The following LARGE1 variants were observed in gnomAD, a reference collection of about 807,000 sequenced individuals.
LARGE1 encodes the protein xylosyl- and glucuronyltransferase LARGE1.
A neutral mutation model predicts 87.6 loss-of-function variants in LARGE1; 43 were observed. The ratio of observed to expected loss-of-function variants is 0.49; its 90% CI spans 0.38 to 0.63. The LOEUF (loss-of-function observed/expected upper bound fraction) is 0.63. Ranked by LOEUF, LARGE1 falls within the 30% of genes least tolerant of loss-of-function variation. LARGE1 has a pLI of 0.00. For missense variants in LARGE1, 802 were observed against 1,000.2 expected (o/e 0.80, Z 2.67); for synonymous variants, 434 against 394.6 (o/e 1.10, Z -1.18).
At chr22:33,289,803 G>T (rs900804988) in intron 12 of LARGE1, among the ~76,000 whole-genome samples, 2 of 152,032 alleles carry the variant, frequency 1.3e-5, no homozygotes, top group Non-Finnish European at 2.9e-5. Flanking sequence ...TTTGATAAAG[G>T]TTATCCTCCA....
At chr22:33,708,363 G>C (rs150387979) in intron 2 of LARGE1, among the ~76,000 whole-genome samples, 1 of 152,096 alleles carries the variant, frequency 6.6e-6, no homozygotes, top group Non-Finnish European at 1.5e-5. Context: ...TGGCCAATGC[G>C]TAGACAGAGA....
intron 6 of LARGE1, among the ~76,000 whole-genome samples, chr22:33,563,975 TA>T (rs2077944159): frequency 6.6e-6 from 1 of 152,140 alleles, no homozygotes; most frequent in Admixed American, 6.5e-5. Context: ...TCCTGTGATT[TA>T]TGAAAATGCT....
intron 6 of LARGE1, among the ~76,000 whole-genome samples, chr22:33,477,937 T>C (rs2069150067): frequency 6.6e-6 from 1 of 152,202 alleles, no homozygotes; most frequent in African/African-American, 2.4e-5. Context: ...GCATCTCTAT[T>C]TGCATCTGAG....
At chr22:33,225,560 C>T (rs543975540) in intron 11 of LARGE1, among the ~76,000 whole-genome samples, 4 of 151,982 alleles carry the variant, frequency 2.6e-5, no homozygotes, top group African/African-American at 9.7e-5. Flanking sequence ...TCTTTATTTT[C>T]TTTCTTTTTT....
downstream of LARGE1, among the ~76,000 whole-genome samples, chr22:33,271,735 A>C (rs566676861): frequency 5.3e-5 from 8 of 152,324 alleles, no homozygotes; most frequent in African/African-American, 1.9e-4. Flanking sequence ...CTCCCAGTGT[A>C]AGTTCTGGGA....
At chr22:33,128,703 A>G in the LARGE1 span, among the ~76,000 whole-genome samples, 1 of 133,698 alleles carries the variant, frequency 7.5e-6, no homozygotes, top group East Asian at 2.1e-4. Context: ...AAAAAGAAAA[A>G]GAAAAAGAAA....
intron 2 of LARGE1, among the ~76,000 whole-genome samples, chr22:33,749,658 T>C (rs138476095): frequency 0.016 from 2,406 of 152,326 alleles, 67 homozygotes; most frequent in African/African-American, 0.056. Context: ...CTTCTCTTGA[T>C]TATATGAGTC....
At chr22:33,606,558 A>C (rs944391401) in intron 4 of LARGE1, among the ~76,000 whole-genome samples, 2 of 152,014 alleles carry the variant, frequency 1.3e-5, no homozygotes, top group African/African-American at 4.8e-5. Flanking sequence ...TTCCAGACAT[A>C]CAGACCATCT....
rs138655736 is a variant in LARGE1 at position 33,895,815 on chromosome 22, C to T, written c.-83+24180G>A. 5.9e-5 allele frequency among the ~76,000 whole-genome samples: 9 copies of T among 152,302 alleles called. No individual in the cohort carries two copies. The East Asian group carries it at 1.7e-3, about 29-fold the overall frequency. ...GTCTTATTAGAAGCAAGTCACAAGTCCCCTGCACACCCCAAGTGAAAGGGA... is the reference window on the plus strand; with the variant it reads ...GTCTTATTAGAAGCAAGTCACAAGTTCCCTGCACACCCCAAGTGAAAGGGA... On this transcript the variant is annotated intron_variant, in intron 1 of 14. Transcript: ENST00000397394.
chr22:33,568,538 G>A (rs1173379546), intron 5 of LARGE1, among the ~76,000 whole-genome samples: 5 of 152,122 alleles, frequency 3.3e-5, no homozygotes, highest in Non-Finnish European at 7.4e-5. Flanking sequence ...AGGCTGAGGT[G>A]GGCGGATCCC....
At chr22:33,595,585 A>G (rs2283921) in intron 5 of LARGE1, among the ~76,000 whole-genome samples, 96,120 of 152,158 alleles carry the variant, frequency 0.63, 31,679 homozygotes, top group African/African-American at 0.84. Flanking sequence ...TAGGCTCCAT[A>G]CACTGTCATT....
chr22:33,811,014 T>C (rs546626694), intron 1 of LARGE1, among the ~76,000 whole-genome samples: 3 of 152,300 alleles, frequency 2.0e-5, no homozygotes, highest in African/African-American at 7.2e-5. Context: ...CGAGATTTGT[T>C]ACTGCAGCAT....
At chr22:33,897,281 A>C (rs982086142) in intron 1 of LARGE1, among the ~76,000 whole-genome samples, 8 of 152,218 alleles carry the variant, frequency 5.3e-5, no homozygotes, top group Non-Finnish European at 8.8e-5. Context: ...CTTTTGCAAA[A>C]ACCCCACATA....
At chr22:33,889,427 T>A (rs2064947179) in intron 1 of LARGE1, among the ~76,000 whole-genome samples, 1 of 152,140 alleles carries the variant, frequency 6.6e-6, no homozygotes, top group Non-Finnish European at 1.5e-5. Flanking sequence ...CATTCAGAAG[T>A]TTGAGATTCT....
At chr22:33,635,691 A>C (rs2080248526) in intron 3 of LARGE1, among the ~76,000 whole-genome samples, 1 of 152,190 alleles carries the variant, frequency 6.6e-6, no homozygotes, top group Admixed American at 6.5e-5. Flanking sequence ...TGACGGGTTG[A>C]ATTCAGGGTC....
chr22:33,294,418 A>G (rs1350542326), intron 12 of LARGE1, among the ~76,000 whole-genome samples: 1 of 152,206 alleles, frequency 6.6e-6, no homozygotes, highest in African/African-American at 2.4e-5. Context: ...TGGTTCTCAT[A>G]CAAGTTCCCA....
In LARGE1 at chr22:33,651,028, G is replaced by A. The variant is rs530517279; in HGVS notation, c.107-360C>T. 2.5e-3 allele frequency among the ~76,000 whole-genome samples: 372 copies of A among 149,050 alleles called. 3 individuals are homozygous for A. Among genetic ancestry groups the A allele is most frequent in the Non-Finnish European group, 4.1e-3 (279 of 67,930 alleles). ...GTGGGCGGATTGGGGAGAAAGACAA[G>A]GGAGGGGAGAAGGAGTACCAGGAAG... On this transcript the variant is annotated intron_variant, in intron 2 of 14. Transcript: ENST00000397394.
At position 33,484,886 on chromosome 22, in the gene LARGE1, C is replaced by T. The variant is rs79600487; in HGVS notation, c.788-52621G>A. Among the ~76,000 whole-genome samples the T allele has an allele frequency of 6.1e-3, 926 of 151,614 alleles. 9 individuals carry two copies. The highest frequency in any genetic ancestry group is 0.034 in the Middle Eastern group (10 of 290). On this transcript the variant is annotated intron_variant, in intron 6 of 14. Transcript: ENST00000397394. Reference sequence around the variant, plus strand: ...ACTTATTGTCCTAGAGTGATATCCACTCACCCAAAGTAAATAATGAGGTGG... The same window carrying T: ...ACTTATTGTCCTAGAGTGATATCCATTCACCCAAAGTAAATAATGAGGTGG...
At chr22:33,838,964 G>T (rs2063190152) in intron 1 of LARGE1, among the ~76,000 whole-genome samples, 1 of 152,192 alleles carries the variant, frequency 6.6e-6, no homozygotes, top group Non-Finnish European at 1.5e-5. Flanking sequence ...ATTTCTGATA[G>T]AAACCAATGC....
Sources: gnomAD v4.1 joint callset for allele counts (sites outside exome capture counted in the v4.1 genomes callset) on GRCh38, gnomAD v4.1.1 for gene constraint, MANE v1.5 for transcripts, NCBI Gene and HGNC (gene_info 2026-07-23, HGNC 2026-07-21) for gene names.